The following ABTB2 variants were observed in gnomAD, a reference collection of about 807,000 sequenced individuals.
The protein encoded by ABTB2 is ankyrin repeat and BTB/POZ domain-containing protein 2.
In ABTB2, 56 loss-of-function variants were observed where a neutral mutation model predicts 104.1. That is an observed-to-expected ratio of 0.54 (90% CI 0.43 to 0.67). The LOEUF is 0.67. ABTB2 is among the 30% of genes least tolerant of loss of function. The pLI is 0.00. For missense variants in ABTB2, 1,279 were observed against 1,407.7 expected, an observed-to-expected ratio of 0.91 and a Z score of 1.46; for synonymous variants, 606 against 608.2, an observed-to-expected ratio of 1.00 and a Z score of 0.05.
intron 10 of ABTB2, 82 bp from the exon 11 acceptor site, chr11:34,161,163 C>G: frequency 1.4e-6 from 2 of 1,388,908 alleles, no homozygotes; most frequent in Admixed American, 2.5e-5. Context: ...TCTGGGCAGA[C>G]TCTCTCGGGA....
rs1441874199 is a variant in ABTB2, at chr11:34,270,025, T to TCCTTATCTGGTG, written c.884-65347_884-65336dup. Among the ~76,000 whole-genome samples, 10 of 152,356 alleles carry TCCTTATCTGGTG rather than the reference T, an allele frequency of 6.6e-5. No individual in the cohort carries two copies. In the East Asian group the frequency reaches 1.9e-3, roughly 29 times the overall value. ...CAGACTGAAACTTACGTCTTCTGGC[T>TCCTTATCTGGTG]CCTTATCTGGTGACCCATCAGCCAG... On this transcript the variant is annotated intron_variant, in intron 1 of 16. Transcript: ENST00000435224.
At chr11:34,274,811 T>A (rs1420433618) in intron 1 of ABTB2, among the ~76,000 whole-genome samples, 2 of 152,108 alleles carry the variant, frequency 1.3e-5, no homozygotes, top group Non-Finnish European at 2.9e-5. Flanking sequence ...AGTGCAGTAT[T>A]GCGCAAACGT....
In ABTB2 at chr11:34,197,521, C is replaced by T. The variant is rs753096485; in HGVS notation, c.1048G>A (p.Ala350Thr). The change falls in exon 3 of 17, where the codon GCC (alanine) becomes ACC (threonine). Residue 350 changes from alanine to threonine, a missense_variant. Physicochemically the swap from Ala to Thr is moderately conservative, Grantham distance 58. Transcript: ENST00000435224. ...ISELSDLVSR[A>T]MHHMQGRHPL... is the part of the protein sequence containing the mutation. ...TGACGCCCCTGCATGTGGTGCATGGCACGGGAGACCAAGTCACCTGGTGGG... is the reference window on the plus strand; with the variant it reads ...TGACGCCCCTGCATGTGGTGCATGGTACGGGAGACCAAGTCACCTGGTGGG... 2 of 1,578,640 alleles carry T rather than the reference C, an allele frequency of 1.3e-6. No individual in the cohort carries two copies. The highest frequency in any genetic ancestry group is 1.7e-6 in the Non-Finnish European group (2 of 1,168,856).
chr11:34,191,406 A>G (rs1458227387), intron 3 of ABTB2, among the ~76,000 whole-genome samples: 3 of 152,230 alleles, frequency 2.0e-5, no homozygotes, highest in Admixed American at 2.0e-4. Flanking sequence ...TGGGCCAGAC[A>G]CACATTTATC....
chr11:34,357,007 G>C lies in ABTB2; in HGVS notation c.577C>G (p.Leu193Val), dbSNP rs757521622. ...CAGCGCGCGGACTTGCCCCGGCGCA[G>C]CCCGTCGCCGGCGCTCATGCTGTAC... is the stretch of plus-strand genomic sequence containing the variant. The part of the protein sequence containing the change: ...SLYSMSAGDG[L>V]RRGKSARCGL... The change falls in exon 1 of 17, where the codon CTG becomes GTG. Residue 193 changes from leucine to valine, a missense_variant. By Grantham distance (32) the Leu-to-Val change is conservative. Transcript: ENST00000435224. 1 of 1,572,434 alleles carries C rather than the reference G, an allele frequency of 6.4e-7. No individual in the cohort carries two copies. The highest frequency in any genetic ancestry group is 1.2e-5 in the South Asian group (1 of 86,480).
intron 1 of ABTB2, among the ~76,000 whole-genome samples, chr11:34,281,736 G>T (rs1384223157): frequency 1.3e-5 from 2 of 152,050 alleles, no homozygotes; most frequent in South Asian, 4.1e-4. Context: ...AAGCTACATC[G>T]CAGGATGGAA....
At position 34,186,114 on chromosome 11, in the gene ABTB2, C is replaced by T. The variant is rs78320177; in HGVS notation, c.1244+11211G>A. On this transcript the variant is annotated intron_variant, in intron 3 of 16. Coordinates refer to ENST00000435224, the MANE Select transcript of ABTB2 (RefSeq NM_145804.3). ...TGCCTTGGGGCCCACGGCACCGCTC[C>T]GCCCAACCTCCAGCTTTTGCTCTCT... 9.8e-3 allele frequency among the ~76,000 whole-genome samples: 1,491 copies of T among 152,350 alleles called. 29 individuals are homozygous for T. Among genetic ancestry groups the T allele is most frequent in the African/African-American group, 0.034 (1,413 of 41,584 alleles).
intron 1 of ABTB2, among the ~76,000 whole-genome samples, chr11:34,317,402 C>G (rs1233415678): frequency 6.6e-6 from 1 of 152,138 alleles, no homozygotes; most frequent in Non-Finnish European, 1.5e-5. Context: ...CTTGATTGCG[C>G]TCTGCCCACA....
chr11:34,168,225 G>A (rs891831398), intron 5 of ABTB2, among the ~76,000 whole-genome samples: 9 of 152,226 alleles, frequency 5.9e-5, no homozygotes, highest in Non-Finnish European at 1.3e-4. Flanking sequence ...AGCACAGGCC[G>A]TGCAGCCAGG....
At chr11:34,300,499 C>G (rs759022102) in intron 1 of ABTB2, among the ~76,000 whole-genome samples, 1 of 152,166 alleles carries the variant, frequency 6.6e-6, no homozygotes, top group Non-Finnish European at 1.5e-5. Context: ...AAACGAGAAG[C>G]CTGAAAGGCA....
At position 34,161,067 on chromosome 11, in the gene ABTB2, G is replaced by C; in HGVS notation, c.2233C>G (p.Leu745Val). The change falls in exon 11 of 17, where the codon CTG becomes GTG. Residue 745 changes from leucine to valine, a missense_variant. Leu to Val is a conservative substitution (Grantham distance 32). Transcript: ENST00000435224. The part of the protein sequence containing the change: ...ELRALGVPWK[L>V]HIWIESLRTS... ...CTCAGAGACTCGATCCAGATGTGCA[G>C]CTTCCAGGGGACTCCTGGTCCAGGC... 1.2e-6 allele frequency: 2 copies of C among 1,608,412 alleles called. No individual in the cohort carries two copies. Among genetic ancestry groups the C allele is most frequent in the Non-Finnish European group, 1.7e-6 (2 of 1,177,026 alleles).
At chr11:34,350,453 A>C (rs1374938724) in intron 1 of ABTB2, among the ~76,000 whole-genome samples, 4 of 152,160 alleles carry the variant, frequency 2.6e-5, no homozygotes, top group African/African-American at 9.7e-5. Context: ...CCAGCAGGTG[A>C]CACTTATAAA....
chr11:34,265,583 G>A lies in ABTB2; in HGVS notation c.884-60893C>T, dbSNP rs552397869. Among the ~76,000 whole-genome samples, 6 of 150,204 alleles carry A rather than the reference G, an allele frequency of 4.0e-5. No individual in the cohort carries two copies. In the South Asian group the frequency reaches 6.4e-4, roughly 16 times the overall value. ...GCTGAGACGAGAATCGCTTGAACCC[G>A]GGAGGTGGAGGTTGCGGTGAGCCGA... On this transcript the variant is annotated intron_variant, in intron 1 of 16. Coordinates refer to ENST00000435224, the MANE Select transcript of ABTB2 (RefSeq NM_145804.3).
rs369442459 is a variant in ABTB2, at chr11:34,298,085, G to GTT, written c.883+58614_883+58615dup. On this transcript the variant is annotated intron_variant, in intron 1 of 16. Coordinates refer to ENST00000435224, the MANE Select transcript of ABTB2 (RefSeq NM_145804.3). ...CCTGAAATGTGAGAAATAAATGTCT[G>GTT]TTTTTTTTTTTTTTTAAATAAATTA... 1.5e-4 allele frequency among the ~76,000 whole-genome samples: 21 copies of GTT among 140,576 alleles called. No homozygotes were observed. The South Asian group carries it at 3.2e-3, about 21-fold the overall frequency. 92.2% of individuals were successfully genotyped at this position (140,576 alleles called of 152,430 possible). A position where few individuals can be genotyped will look rare whatever the true frequency, so the allele number is the denominator to read the frequency against.
chr11:34,248,895 C>A (rs984419980), intron 1 of ABTB2, among the ~76,000 whole-genome samples: 2 of 152,204 alleles, frequency 1.3e-5, no homozygotes, highest in Non-Finnish European at 2.9e-5. Context: ...CTTTGGGAGG[C>A]CAAGGCGGGC....
In ABTB2 at chr11:34,270,655, C is replaced by A. The variant is rs559841530; in HGVS notation, c.884-65965G>T. Among the ~76,000 whole-genome samples the A allele has an allele frequency of 1.1e-4, 16 of 152,202 alleles. No homozygotes were observed. In the East Asian group the frequency reaches 2.5e-3, roughly 24 times the overall value. On this transcript the variant is annotated intron_variant, in intron 1 of 16. Transcript: ENST00000435224. ...GTGCCCAGCCTGAGGGCTTTCCTTC[C>A]TCCACCTCAGAGGTTGACAACCAGA... is the stretch of plus-strand genomic sequence containing the variant.
intron 1 of ABTB2, among the ~76,000 whole-genome samples, chr11:34,294,222 C>T (rs1854595109): frequency 6.6e-6 from 1 of 152,074 alleles, no homozygotes; most frequent in South Asian, 2.1e-4. Context: ...CCCACCCACT[C>T]AGGAGGCTGA....
intron 10 of ABTB2, among the ~76,000 whole-genome samples, chr11:34,162,217 G>A (rs1015839420): frequency 2.0e-5 from 3 of 152,230 alleles, no homozygotes; most frequent in South Asian, 2.1e-4. Flanking sequence ...CAGGACTGCC[G>A]CCTCACAGCG....
chr11:34,276,218 T>TA (rs760725017), intron 1 of ABTB2, among the ~76,000 whole-genome samples: 151 of 136,998 alleles, frequency 1.1e-3, no homozygotes, highest in Middle Eastern at 3.7e-3. Flanking sequence ...CTTGTTTGGT[T>TA]AAAAAAAAAA....
Sources: allele counts gnomAD v4.1 joint callset (sites outside exome capture counted in the v4.1 genomes callset), GRCh38; gene constraint gnomAD v4.1.1; transcripts MANE v1.5; gene names NCBI Gene and HGNC (gene_info 2026-07-23, HGNC 2026-07-21).